PHACTR3: variants seen among roughly 807,000 people sequenced by gnomAD.
The protein encoded by PHACTR3 is protein phosphatase 1, regulatory subunit 123.
A neutral mutation model predicts 66.8 loss-of-function variants in PHACTR3; 16 were observed. That is an observed-to-expected ratio of 0.24 (90% CI 0.16 to 0.36). The LOEUF (loss-of-function observed/expected upper bound fraction) is 0.36, where lower values mean the gene tolerates loss of function less well. Ranked by LOEUF, PHACTR3 falls within the 10% of genes least tolerant of loss-of-function variation. The probability of loss-of-function intolerance (pLI) is 1.00; values close to 1 mark genes in which losing one functional copy is unlikely to be tolerated. For missense variants in PHACTR3, 647 were observed against 719.9 expected (o/e 0.90, Z 1.16); for synonymous variants, 323 against 292.1 (o/e 1.11, Z -1.08).
At chr20:59,760,646 C>A (rs1420248674) in intron 4 of PHACTR3, among the ~76,000 whole-genome samples, 1 of 152,172 alleles carries the variant, frequency 6.6e-6, no homozygotes, top group African/African-American at 2.4e-5. Flanking sequence ...CATTAAACTT[C>A]TTTTTCTTTA....
At chr20:59,766,129 C>T (rs892084321) in intron 4 of PHACTR3, among the ~76,000 whole-genome samples, 1 of 152,280 alleles carries the variant, frequency 6.6e-6, no homozygotes, top group East Asian at 1.9e-4. Flanking sequence ...CTCAGTTTCC[C>T]CTGTAAAGCT....
chr20:59,667,678 C>A (rs996180964), intron 1 of PHACTR3, among the ~76,000 whole-genome samples: 1 of 152,222 alleles, frequency 6.6e-6, no homozygotes, highest in African/African-American at 2.4e-5. Context: ...GGCCAGCCTG[C>A]CTCTGGGGCT....
intron 1 of PHACTR3, among the ~76,000 whole-genome samples, chr20:59,713,052 C>T (rs1253510243): frequency 3.9e-5 from 6 of 152,328 alleles, no homozygotes; most frequent in East Asian, 3.9e-4. Flanking sequence ...GTGAACAAAG[C>T]GAGTTTGCCT....
intron 1 of PHACTR3, among the ~76,000 whole-genome samples, chr20:59,723,114 C>CTT (rs2038409543): frequency 1.9e-5 from 2 of 106,682 alleles, no homozygotes; most frequent in African/African-American, 7.3e-5. Context: ...TTCTTTCTTT[C>CTT]TTTCTTCAGC....
At chr20:59,763,907 C>T (rs1325431925) in intron 4 of PHACTR3, among the ~76,000 whole-genome samples, 4 of 152,138 alleles carry the variant, frequency 2.6e-5, no homozygotes, top group African/African-American at 9.7e-5. Flanking sequence ...GGGGCCAGGC[C>T]TTGCTGGGTG....
intron 1 of PHACTR3, among the ~76,000 whole-genome samples, chr20:59,653,637 A>C (rs1013683350): frequency 2.6e-5 from 4 of 152,306 alleles, no homozygotes; most frequent in Admixed American, 2.0e-4. Flanking sequence ...GGATGTTATT[A>C]TTTTGAAATT....
At chr20:59,631,166 G>C (rs1395918694) in intron 1 of PHACTR3, among the ~76,000 whole-genome samples, 4 of 152,262 alleles carry the variant, frequency 2.6e-5, no homozygotes, top group Admixed American at 6.5e-5. Context: ...GTCAGGGTCA[G>C]ATGCCCATCT....
At chr20:59,579,055 C>T (rs1024033435) in intron 1 of PHACTR3, among the ~76,000 whole-genome samples, 1 of 152,212 alleles carries the variant, frequency 6.6e-6, no homozygotes, top group South Asian at 2.1e-4. Flanking sequence ...TGTCAGTGCC[C>T]TCCCCTAAAG....
intron 7 of PHACTR3, among the ~76,000 whole-genome samples, chr20:59,801,694 G>C (rs574349625): frequency 2.0e-5 from 3 of 152,282 alleles, no homozygotes; most frequent in South Asian, 4.2e-4. Flanking sequence ...CAATGAACAA[G>C]GTATAATCCT....
upstream of PHACTR3, among the ~76,000 whole-genome samples, chr20:59,600,692 G>T (rs2033451908): frequency 6.6e-6 from 1 of 152,216 alleles, no homozygotes; most frequent in African/African-American, 2.4e-5. Flanking sequence ...GGGCAATTTG[G>T]ACTGACTCTG....
chr20:59,747,669 T>C (rs2039424072), intron 2 of PHACTR3, 89 bp from the exon 3 acceptor site: 1 of 1,485,208 alleles, frequency 6.7e-7, no homozygotes, highest in Non-Finnish European at 9.2e-7. Context: ...TTTTGGTCTG[T>C]AAACTTGAGC....
intron 1 of PHACTR3, among the ~76,000 whole-genome samples, chr20:59,630,761 C>T (rs2034632066): frequency 6.6e-6 from 1 of 151,974 alleles, no homozygotes; most frequent in East Asian, 1.9e-4. Context: ...AGGCAGGGTC[C>T]AGTCCCGGCC....
intron 1 of PHACTR3, among the ~76,000 whole-genome samples, chr20:59,614,165 C>T (rs2033948192): frequency 6.6e-6 from 1 of 152,256 alleles, no homozygotes; most frequent in African/African-American, 2.4e-5. Context: ...CTGCCTCCCT[C>T]ATCCTGCAAC....
At chr20:59,603,042 G>A (rs993178256), upstream of PHACTR3, among the ~76,000 whole-genome samples, 1 of 152,218 alleles carries the variant, frequency 6.6e-6, no homozygotes, top group East Asian at 1.9e-4. Flanking sequence ...AGGTCCCCAT[G>A]CAAAATGCTC....
intron 1 of PHACTR3, chr20:59,628,467 C>T (rs958021137): frequency 5.0e-6 from 1 of 201,140 alleles, no homozygotes; most frequent in African/African-American, 2.4e-5. Flanking sequence ...CTGCACTGTC[C>T]CCGCAGCCTG....
At chr20:59,633,825 T>C (rs2034754486) in intron 1 of PHACTR3, among the ~76,000 whole-genome samples, 1 of 152,182 alleles carries the variant, frequency 6.6e-6, no homozygotes, top group African/African-American at 2.4e-5. Context: ...CTCTGGTTCT[T>C]TGAGTGGTAT....
At chr20:59,754,329 G>T (rs1041787963) in intron 3 of PHACTR3, among the ~76,000 whole-genome samples, 1 of 152,220 alleles carries the variant, frequency 6.6e-6, no homozygotes, top group Admixed American at 6.5e-5. Context: ...CCCTGCTAGT[G>T]CCTCCTCTTC....
chr20:59,739,185 C>T lies in PHACTR3; in HGVS notation c.119-3922C>T, dbSNP rs1459616499. 3.9e-5 allele frequency among the ~76,000 whole-genome samples: 6 copies of T among 152,132 alleles called. No individual in the cohort carries two copies. The South Asian group carries it at 6.2e-4, about 16-fold the overall frequency. On this transcript the variant is annotated intron_variant, in intron 1 of 12. Coordinates refer to ENST00000371015, the MANE Select transcript of PHACTR3 (RefSeq NM_080672.5). ...GGTACCAGGCACTAGGTGCTGGGGT[C>T]GCCTCAAAAACACAGTGGAGGATGC...
intron 1 of PHACTR3, among the ~76,000 whole-genome samples, chr20:59,613,333 A>G (rs1164282257): frequency 6.6e-6 from 1 of 152,212 alleles, no homozygotes; most frequent in Non-Finnish European, 1.5e-5. Flanking sequence ...TCTGGTTGCA[A>G]CATGGTTGCT....
Sources: gnomAD v4.1 joint callset for allele counts (sites outside exome capture counted in the v4.1 genomes callset) on GRCh38, gnomAD v4.1.1 for gene constraint, MANE v1.5 for transcripts, NCBI Gene and HGNC (gene_info 2026-07-23, HGNC 2026-07-21) for gene names.